PAPPA2: variants seen among roughly 807,000 people sequenced by gnomAD.
PAPPA2 encodes the protein pappalysin-2.
A neutral mutation model predicts 176.4 loss-of-function variants in PAPPA2; 86 were observed. The ratio of observed to expected loss-of-function variants is 0.49; its 90% CI spans 0.41 to 0.58. The LOEUF is 0.58. Among genes scored for constraint, PAPPA2 ranks in the 20% least tolerant of loss-of-function variants. PAPPA2 has a pLI of 0.00. For missense variants in PAPPA2, 2,073 were observed against 2,256.9 expected (o/e 0.92, Z 1.65); for synonymous variants, 809 against 852.2 (o/e 0.95, Z 0.88).
chr1:176,552,058 G>A (rs201311684), intron 1 of PAPPA2, among the ~76,000 whole-genome samples: 1 of 151,996 alleles, frequency 6.6e-6, no homozygotes, highest in Non-Finnish European at 1.5e-5. Flanking sequence ...TTTTCTGTAC[G>A]TAAAACCTAA....
At chr1:176,758,035 TA>T (rs1663511552) in intron 14 of PAPPA2, among the ~76,000 whole-genome samples, 2 of 152,156 alleles carry the variant, frequency 1.3e-5, no homozygotes, top group Middle Eastern at 3.2e-3. Flanking sequence ...TGCTGAGACT[TA>T]AATAAAGGAG....
At chr1:176,604,500 G>T (rs188667218) in intron 3 of PAPPA2, among the ~76,000 whole-genome samples, 1 of 152,160 alleles carries the variant, frequency 6.6e-6, no homozygotes, top group Admixed American at 6.5e-5. Flanking sequence ...GGTCTATCAC[G>T]TGTTTTTGTA....
intron 4 of PAPPA2, among the ~76,000 whole-genome samples, chr1:176,689,458 G>A (rs1659999929): frequency 6.6e-6 from 1 of 152,156 alleles, no homozygotes; most frequent in Non-Finnish European, 1.5e-5. Flanking sequence ...TAGTTCAGTT[G>A]AACCTATCTT....
At chr1:176,466,364 A>G (rs1421666292) in intron 1 of PAPPA2, among the ~76,000 whole-genome samples, 1 of 152,178 alleles carries the variant, frequency 6.6e-6, no homozygotes, top group African/African-American at 2.4e-5. Context: ...TTCTAATGAT[A>G]AAATTTCAAG....
chr1:176,763,221 T>TACTACTA, intron 14 of PAPPA2, among the ~76,000 whole-genome samples: 1 of 152,310 alleles, frequency 6.6e-6, no homozygotes, highest in East Asian at 1.9e-4. Context: ...GATGACAAGA[T>TACTACTA]TCATAGTAGT....
At chr1:176,502,337 G>A in intron 1 of PAPPA2, among the ~76,000 whole-genome samples, 1 of 152,160 alleles carries the variant, frequency 6.6e-6, no homozygotes, top group East Asian at 1.9e-4. Flanking sequence ...CTATAACATA[G>A]CTGTGAAGAT....
At chr1:176,838,375 C>T (rs1362725779) in intron 21 of PAPPA2, among the ~76,000 whole-genome samples, 2 of 152,026 alleles carry the variant, frequency 1.3e-5, no homozygotes, top group Non-Finnish European at 1.5e-5. Context: ...GGTGCTCCTT[C>T]GATTTTTATA....
At chr1:176,672,960 G>A (rs1363127025) in intron 4 of PAPPA2, among the ~76,000 whole-genome samples, 1 of 152,142 alleles carries the variant, frequency 6.6e-6, no homozygotes, top group Non-Finnish European at 1.5e-5. Flanking sequence ...GGTTCCTCAA[G>A]TAAGGACCTG....
At chr1:176,680,850 T>G (rs1455794049) in intron 4 of PAPPA2, among the ~76,000 whole-genome samples, 1 of 152,214 alleles carries the variant, frequency 6.6e-6, no homozygotes, top group Non-Finnish European at 1.5e-5. Context: ...GAGAAAAGAT[T>G]TAACATAAAT....
chr1:176,750,594 G>C (rs1045662782), intron 14 of PAPPA2, among the ~76,000 whole-genome samples: 1 of 152,048 alleles, frequency 6.6e-6, no homozygotes, highest in Non-Finnish European at 1.5e-5. Flanking sequence ...GACAGAGCAA[G>C]ACTCTGTCTC....
intron 1 of PAPPA2, among the ~76,000 whole-genome samples, chr1:176,524,794 C>T (rs949084139): frequency 6.6e-6 from 1 of 152,096 alleles, no homozygotes; most frequent in African/African-American, 2.4e-5. Context: ...GAGGCCCTGG[C>T]GGGCGGATCA....
rs368022321 is a variant in PAPPA2, at chr1:176,808,025, G to A, written c.5202+7893G>A. 3.7e-4 allele frequency among the ~76,000 whole-genome samples: 56 copies of A among 152,184 alleles called. 1 individual carries two copies. The South Asian group carries it at 0.011, about 31-fold the overall frequency. On this transcript the variant is annotated intron_variant, in intron 21 of 22. Transcript: ENST00000367662. ...CAGCCAAAGGAGTTGACCCCATCTC[G>A]GATCATTACTACATGCTCTGTTGAT...
chr1:176,825,036 C>T (rs1666802934), intron 21 of PAPPA2, among the ~76,000 whole-genome samples: 1 of 152,132 alleles, frequency 6.6e-6, no homozygotes, highest in Non-Finnish European at 1.5e-5. Context: ...AGCGCCAACC[C>T]TGTGTGGAAT....
At chr1:176,734,393 AACAC>A (rs34765229) in intron 12 of PAPPA2, among the ~76,000 whole-genome samples, 4,061 of 147,216 alleles carry the variant, frequency 0.028, 104 homozygotes, top group African/African-American at 0.065. Context: ...ACCCTTCTGA[AACAC>A]ACACACACAC....
chr1:176,620,689 C>T (rs922427106), intron 3 of PAPPA2, among the ~76,000 whole-genome samples: 7 of 152,264 alleles, frequency 4.6e-5, no homozygotes, highest in Admixed American at 2.0e-4. Flanking sequence ...TTCCCAACCC[C>T]TATGTTAATC....
intron 17 of PAPPA2, among the ~76,000 whole-genome samples, chr1:176,779,805 C>T (rs1199792757): frequency 6.6e-6 from 1 of 152,186 alleles, no homozygotes; most frequent in Non-Finnish European, 1.5e-5. Context: ...GATTCCAAAG[C>T]ACCTGCTTTC....
At chr1:176,636,083 G>A (rs938480884) in intron 3 of PAPPA2, among the ~76,000 whole-genome samples, 2 of 152,050 alleles carry the variant, frequency 1.3e-5, no homozygotes, top group Admixed American at 1.3e-4. Context: ...TCCCTCTGTG[G>A]CATCTTCATA....
chr1:176,680,565 G>T (rs533055724), intron 4 of PAPPA2, among the ~76,000 whole-genome samples: 2 of 152,120 alleles, frequency 1.3e-5, no homozygotes, highest in Non-Finnish European at 2.9e-5. Context: ...TTCCCCTAAC[G>T]GTAGCATCTT....
intron 4 of PAPPA2, among the ~76,000 whole-genome samples, chr1:176,684,814 G>A (rs1659757446): frequency 6.6e-6 from 1 of 152,138 alleles, no homozygotes; most frequent in African/African-American, 2.4e-5. Context: ...CTTGCAATTA[G>A]CAGCCTAATT....
Sources: allele counts gnomAD v4.1 joint callset (sites outside exome capture counted in the v4.1 genomes callset), GRCh38; gene constraint gnomAD v4.1.1; transcripts MANE v1.5; gene names NCBI Gene and HGNC (gene_info 2026-07-23, HGNC 2026-07-21).